Variants in PLEKHH2 observed in about 807,000 individuals in gnomAD.
PLEKHH2 encodes pleckstrin homology, MyTH4 and FERM domain containing H2, also known as pleckstrin homology domain-containing family H member 2.
Under a neutral mutation model 187.9 loss-of-function variants are expected in PLEKHH2, and 129 were observed. The observed-to-expected ratio is 0.69, with a 90% CI of 0.59 to 0.79. PLEKHH2 has a LOEUF of 0.79. Among genes scored for constraint, PLEKHH2 ranks in the 30% least tolerant of loss-of-function variants. PLEKHH2 has a pLI of 0.00. For missense variants in PLEKHH2, 2,076 were observed against 1,751.2 expected (o/e 1.19, Z -3.31); for synonymous variants, 686 against 605.6 (o/e 1.13, Z -1.95).
At chr2:43,655,283 TA>T (rs1353810067) in intron 2 of PLEKHH2, among the ~76,000 whole-genome samples, 1 of 151,910 alleles carries the variant, frequency 6.6e-6, no homozygotes, top group Admixed American at 6.5e-5. Flanking sequence ...TGGGGATAAT[TA>T]AAAACAACAA....
chr2:43,722,127 A>G (rs1670511602), intron 16 of PLEKHH2, among the ~76,000 whole-genome samples: 1 of 151,140 alleles, frequency 6.6e-6, no homozygotes, highest in South Asian at 2.1e-4. Flanking sequence ...ATGGTGATGC[A>G]TGCTTGTAGT....
chr2:43,720,779 A>G, intron 16 of PLEKHH2, 30 bp downstream of exon 16: 1 of 1,584,684 alleles, frequency 6.3e-7, no homozygotes, highest in Non-Finnish European at 8.5e-7. Flanking sequence ...ATGCCAATTG[A>G]AGTAACTTTT....
At chr2:43,744,760 C>CT (rs1671706403) in intron 23 of PLEKHH2, among the ~76,000 whole-genome samples, 1 of 150,332 alleles carries the variant, frequency 6.7e-6, no homozygotes, top group Non-Finnish European at 1.5e-5. Context: ...CCCAGCTACT[C>CT]TGGAAGCTGA....
chr2:43,677,740 G>T (rs1444733933), intron 2 of PLEKHH2, among the ~76,000 whole-genome samples: 1 of 151,462 alleles, frequency 6.6e-6, no homozygotes, highest in African/African-American at 2.4e-5. Flanking sequence ...GGTGGTGGCC[G>T]GGCAGAGGGG....
At chr2:43,707,300 C>T in intron 10 of PLEKHH2, 101 bp from the exon 11 acceptor site, 1 of 1,388,906 alleles carries the variant, frequency 7.2e-7, no homozygotes, top group Non-Finnish European at 1.0e-6. Context: ...GGAGGTTGCT[C>T]TGCTTTTCTT....
At chr2:43,753,853 C>T (rs952768486) in intron 25 of PLEKHH2, 93 bp downstream of exon 25, 2 of 1,106,600 alleles carry the variant, frequency 1.8e-6, no homozygotes, top group Non-Finnish European at 2.5e-6. Flanking sequence ...TTCAATAATT[C>T]TTTACATTCG....
At chr2:43,658,169 C>T (rs1311538142) in intron 2 of PLEKHH2, among the ~76,000 whole-genome samples, 1 of 152,172 alleles carries the variant, frequency 6.6e-6, no homozygotes, top group Non-Finnish European at 1.5e-5. Flanking sequence ...GTACTTTTAT[C>T]TTTCAGCATA....
intron 22 of PLEKHH2, 40 bp downstream of exon 22, chr2:43,742,958 A>G (rs781047789): frequency 2.8e-6 from 4 of 1,410,736 alleles, no homozygotes; most frequent in East Asian, 2.6e-5. Context: ...CAACAATCCT[A>G]TGTACAACCT....
chr2:43,696,487 CAAA>C (rs11380251), intron 6 of PLEKHH2, among the ~76,000 whole-genome samples: 7 of 112,750 alleles, frequency 6.2e-5, no homozygotes, highest in Admixed American at 9.5e-5. Flanking sequence ...CACCCTGTCT[CAAA>C]AAAAAAAAAA....
intron 15 of PLEKHH2, among the ~76,000 whole-genome samples, chr2:43,719,974 C>A (rs916674034): frequency 1.3e-5 from 2 of 151,934 alleles, no homozygotes; most frequent in African/African-American, 4.8e-5. Flanking sequence ...ATGAAATATA[C>A]TTACTGGTGA....
At position 43,738,396 on chromosome 2, in the gene PLEKHH2, T is replaced by A. The variant is rs1399751300; in HGVS notation, c.2999T>A (p.Ile1000Lys). 6.2e-7 allele frequency: 1 copy of A among 1,613,838 alleles called. No individual in the cohort carries two copies. The highest frequency in any genetic ancestry group is 1.3e-5 in the African/African-American group (1 of 74,940). Reference sequence around the variant, plus strand: ...GACTCTCCTGCAATTGATTACCACATATCTTTAGCCCAGAGTGCTTTGCAA... The same window carrying A: ...GACTCTCCTGCAATTGATTACCACAAATCTTTAGCCCAGAGTGCTTTGCAA... ...AVDSPAIDYH[I>K]SLAQSALQIC... Residue 1000 changes from isoleucine to lysine, a missense_variant, in exon 20 of 30, where the codon ATA becomes AAA. Coordinates refer to ENST00000282406, the MANE Select transcript of PLEKHH2 (RefSeq NM_172069.4).
intron 14 of PLEKHH2, chr2:43,711,063 G>A: frequency 2.0e-6 from 2 of 987,538 alleles, no homozygotes; most frequent in Non-Finnish European, 1.2e-6. Context: ...AAGTCACACT[G>A]TAGGGGCAGC....
At chr2:43,701,319 A>T (rs1248016175) in intron 8 of PLEKHH2, among the ~76,000 whole-genome samples, 1 of 152,202 alleles carries the variant, frequency 6.6e-6, no homozygotes, top group African/African-American at 2.4e-5. Context: ...GGAAGTTGCC[A>T]GGCTCTGCAT....
At chr2:43,735,662 G>A (rs955142096) in intron 19 of PLEKHH2, among the ~76,000 whole-genome samples, 7 of 152,112 alleles carry the variant, frequency 4.6e-5, no homozygotes, top group African/African-American at 1.7e-4. Flanking sequence ...ACATGTTGCA[G>A]GCATGTATCA....
intron 4 of PLEKHH2, among the ~76,000 whole-genome samples, chr2:43,693,052 C>T (rs944242086): frequency 2.0e-5 from 3 of 152,146 alleles, no homozygotes; most frequent in African/African-American, 4.8e-5. Context: ...CTCAGCCTCC[C>T]GAGTAGCTGG....
intron 20 of PLEKHH2, among the ~76,000 whole-genome samples, chr2:43,740,297 T>A (rs2104592393): frequency 6.6e-6 from 1 of 152,230 alleles, no homozygotes; most frequent in South Asian, 2.1e-4. Flanking sequence ...TTAAAAAAAT[T>A]TTTTTGTTGT....
chr2:43,731,638 A>G (rs1364845558), intron 19 of PLEKHH2, 36 bp downstream of exon 19: 8 of 1,322,442 alleles, frequency 6.0e-6, no homozygotes, highest in South Asian at 1.4e-5. Context: ...GATTTAAGGT[A>G]AAATACTTAT....
Position 43,762,060 on chromosome 2 carries a change from G to C in PLEKHH2, c.4072-244G>C, listed in dbSNP as rs1391114430. Among the ~76,000 whole-genome samples, 4 of 152,154 alleles carry C rather than the reference G, an allele frequency of 2.6e-5. No homozygotes were observed. In the East Asian group the frequency reaches 7.7e-4, roughly 29 times the overall value. On this transcript the variant is annotated intron_variant, in intron 27 of 29. Coordinates refer to ENST00000282406, the MANE Select transcript of PLEKHH2 (RefSeq NM_172069.4). ...GGAAATTGAGCCTCAAACAGATTCA[G>C]TAGTTTATCCAAATGCATACATTAA...
intron 23 of PLEKHH2, among the ~76,000 whole-genome samples, chr2:43,745,410 A>G (rs1671735920): frequency 6.6e-6 from 1 of 152,220 alleles, no homozygotes. Context: ...GCTGAGGCCT[A>G]GAGAGGGAAA....
Sources: allele counts gnomAD v4.1 joint callset (sites outside exome capture counted in the v4.1 genomes callset), GRCh38; gene constraint gnomAD v4.1.1; transcripts MANE v1.5; gene names NCBI Gene and HGNC (gene_info 2026-07-23, HGNC 2026-07-21).